Variants in CACNA2D3 observed in about 807,000 individuals in gnomAD.
CACNA2D3 encodes the protein voltage-dependent calcium channel subunit alpha-2/delta-3.
In CACNA2D3, 60 loss-of-function variants were observed where a neutral mutation model predicts 160.6. That is an observed-to-expected ratio of 0.37 (90% confidence interval 0.30 to 0.46). The LOEUF (loss-of-function observed/expected upper bound fraction) is 0.46, where lower values mean the gene tolerates loss of function less well. Among genes scored for constraint, CACNA2D3 ranks in the 20% least tolerant of loss-of-function variants. The pLI is 1.00. For synonymous variants in CACNA2D3, 558 were observed against 492.9 expected, an observed-to-expected ratio of 1.13 and a Z score of -1.75; for missense variants, 1,205 against 1,365.0, an observed-to-expected ratio of 0.88 and a Z score of 1.85.
intron 9 of CACNA2D3, among the ~76,000 whole-genome samples, chr3:54,592,296 C>T (rs989616742): frequency 6.6e-6 from 1 of 152,190 alleles, no homozygotes; most frequent in Admixed American, 6.5e-5. Flanking sequence ...TGTCCTGGAA[C>T]ATAGATTTTC....
intron 9 of CACNA2D3, among the ~76,000 whole-genome samples, chr3:54,588,165 A>G (rs571508090): frequency 3.3e-4 from 51 of 152,358 alleles, no homozygotes; most frequent in Middle Eastern, 3.4e-3. Context: ...ATCCATGTCA[A>G]ATCAATCAAT....
chr3:54,893,984 T>A (rs904568388), intron 25 of CACNA2D3, among the ~76,000 whole-genome samples: 2 of 152,132 alleles, frequency 1.3e-5, no homozygotes, highest in African/African-American at 4.8e-5. Context: ...TCCATAACAC[T>A]CTTTCACATA....
intron 11 of CACNA2D3, among the ~76,000 whole-genome samples, chr3:54,745,080 G>T (rs1328920124): frequency 1.3e-5 from 2 of 152,224 alleles, no homozygotes; most frequent in Non-Finnish European, 2.9e-5. Flanking sequence ...GAAGTATATT[G>T]TATCCATAGT....
At chr3:55,003,612 C>T (rs984901619) in intron 31 of CACNA2D3, among the ~76,000 whole-genome samples, 2 of 151,992 alleles carry the variant, frequency 1.3e-5, no homozygotes, top group African/African-American at 4.8e-5. Flanking sequence ...AATATGGCTA[C>T]TTGAGGGATA....
intron 2 of CACNA2D3, among the ~76,000 whole-genome samples, chr3:54,229,416 A>G (rs888115772): frequency 1.8e-4 from 28 of 152,154 alleles, no homozygotes; most frequent in African/African-American, 6.3e-4. Context: ...GATGGTCTCA[A>G]TCTCCTGACC....
chr3:54,413,165 T>A (rs965997776), intron 4 of CACNA2D3, among the ~76,000 whole-genome samples: 2 of 151,708 alleles, frequency 1.3e-5, no homozygotes, highest in South Asian at 4.1e-4. Flanking sequence ...GAAATAGAAT[T>A]GTGAATTGAC....
intron 30 of CACNA2D3, among the ~76,000 whole-genome samples, chr3:54,985,602 T>G (rs561079793): frequency 6.6e-6 from 1 of 152,228 alleles, no homozygotes; most frequent in Non-Finnish European, 1.5e-5. Flanking sequence ...GTTGACGATA[T>G]AAGGTTTCTT....
At chr3:54,684,093 C>G (rs1700405027) in intron 11 of CACNA2D3, among the ~76,000 whole-genome samples, 1 of 151,538 alleles carries the variant, frequency 6.6e-6, no homozygotes, top group Non-Finnish European at 1.5e-5. Flanking sequence ...GCCTCAGCCT[C>G]CCGAGTAGCA....
intron 27 of CACNA2D3, among the ~76,000 whole-genome samples, chr3:54,929,851 C>T (rs1307529264): frequency 1.3e-5 from 2 of 152,132 alleles, no homozygotes; most frequent in East Asian, 1.9e-4. Context: ...CAATGGCCCC[C>T]ATTAGCATTC....
intron 5 of CACNA2D3, among the ~76,000 whole-genome samples, chr3:54,516,612 AT>A (rs1324233278): frequency 6.6e-6 from 1 of 152,202 alleles, no homozygotes; most frequent in Non-Finnish European, 1.5e-5. Flanking sequence ...TTGAGGGTGC[AT>A]AACTTTCAGA....
intron 35 of CACNA2D3, among the ~76,000 whole-genome samples, chr3:55,051,711 C>T (rs564640353): frequency 3.3e-5 from 5 of 152,290 alleles, no homozygotes; most frequent in African/African-American, 1.2e-4. Context: ...AGCCTCGCTG[C>T]CGCCTTGCAG....
chr3:54,485,141 A>C (rs1458517824), intron 4 of CACNA2D3, among the ~76,000 whole-genome samples: 1 of 151,910 alleles, frequency 6.6e-6, no homozygotes, highest in Non-Finnish European at 1.5e-5. Context: ...CACCGTGCCC[A>C]GCTCACCTAG....
chr3:55,057,124 C>T (rs358063), intron 35 of CACNA2D3, among the ~76,000 whole-genome samples: 55,309 of 151,914 alleles, frequency 0.36, 10,641 homozygotes, highest in Non-Finnish European at 0.43. Context: ...GTGCCGCTCT[C>T]GTGATAGTGA....
At chr3:54,385,822 C>T in intron 3 of CACNA2D3, 2 of 448,262 alleles carry the variant, frequency 4.5e-6, no homozygotes, top group South Asian at 1.6e-5. Flanking sequence ...GCATAGGATA[C>T]AAGAGTGACC....
intron 2 of CACNA2D3, among the ~76,000 whole-genome samples, chr3:54,278,869 G>C (rs1702806507): frequency 6.6e-6 from 1 of 152,104 alleles, no homozygotes; most frequent in African/African-American, 2.4e-5. Flanking sequence ...AGCATTAGGA[G>C]AAATACCTAA....
At chr3:54,785,861 C>T (rs1337137426) in intron 13 of CACNA2D3, among the ~76,000 whole-genome samples, 2 of 152,082 alleles carry the variant, frequency 1.3e-5, no homozygotes, top group African/African-American at 4.8e-5. Flanking sequence ...ATATATTTTC[C>T]CTTCTTATCA....
At chr3:54,913,119 C>T (rs974865081) in intron 27 of CACNA2D3, among the ~76,000 whole-genome samples, 18 of 152,146 alleles carry the variant, frequency 1.2e-4, no homozygotes, top group Non-Finnish European at 8.8e-5. Flanking sequence ...GGATCTCACT[C>T]GGTCACTCAG....
intron 35 of CACNA2D3, among the ~76,000 whole-genome samples, chr3:55,043,175 G>T (rs1157349846): frequency 1.3e-5 from 2 of 152,106 alleles, no homozygotes; most frequent in Non-Finnish European, 2.9e-5. Flanking sequence ...GTAGAAGAAA[G>T]TAACCTCCAA....
chr3:54,428,231 TAG>T (rs1246596668), intron 4 of CACNA2D3, among the ~76,000 whole-genome samples: 1 of 152,202 alleles, frequency 6.6e-6, no homozygotes, highest in Non-Finnish European at 1.5e-5. Flanking sequence ...ACACAACAGT[TAG>T]ACTTTCTCAG....
Sources: allele counts gnomAD v4.1 joint callset (sites outside exome capture counted in the v4.1 genomes callset), GRCh38; gene constraint gnomAD v4.1.1; transcripts MANE v1.5; gene names NCBI Gene and HGNC (gene_info 2026-07-23, HGNC 2026-07-21).